The following DCAF6 variants were observed in gnomAD, a reference collection of about 807,000 sequenced individuals.
The protein encoded by DCAF6 is DDB1 and CUL4 associated factor 6, also known as DDB1- and CUL4-associated factor 6.
Under a neutral mutation model 125.1 loss-of-function variants are expected in DCAF6, and 54 were observed. The ratio of observed to expected loss-of-function variants is 0.43; its 90% CI spans 0.35 to 0.54. The LOEUF is 0.54. Ranked by LOEUF, DCAF6 falls within the 20% of genes least tolerant of loss-of-function variation. The pLI is 0.01. For missense variants in DCAF6, 934 were observed against 1,161.7 expected, an observed-to-expected ratio of 0.80 and a Z score of 2.85; for synonymous variants, 371 against 390.4, an observed-to-expected ratio of 0.95 and a Z score of 0.58.
the DCAF6 span, among the ~76,000 whole-genome samples, chr1:167,907,888 C>G: frequency 6.6e-6 from 1 of 152,250 alleles, no homozygotes; most frequent in South Asian, 2.1e-4. Flanking sequence ...GCAATCACAC[C>G]TAATGGAAAT....
At chr1:167,937,421 A>G (rs1441009429) in intron 1 of DCAF6, among the ~76,000 whole-genome samples, 2 of 151,780 alleles carry the variant, frequency 1.3e-5, no homozygotes, top group Non-Finnish European at 2.9e-5. Flanking sequence ...CTCTCCTTCA[A>G]TCTCCAGAGG....
intron 17 of DCAF6, among the ~76,000 whole-genome samples, chr1:168,052,703 TCTA>T (rs879580945): frequency 3.9e-5 from 6 of 152,188 alleles, no homozygotes; most frequent in Admixed American, 3.3e-4. Flanking sequence ...GGGAATGTGT[TCTA>T]CTATAATCTG....
At position 168,041,766 on chromosome 1, in the gene DCAF6, C is replaced by T. The variant is rs138270916; in HGVS notation, c.1728-1259C>T. On this transcript the variant is annotated intron_variant, in intron 13 of 21. Coordinates refer to ENST00000367840, the MANE Select transcript of DCAF6 (RefSeq NM_001198956.2). ...TAATTACTATAATGTATACACTAAG[C>T]GTTTTATTCATGCCTGAATCATAGC... 5.0e-3 allele frequency among the ~76,000 whole-genome samples: 761 copies of T among 151,786 alleles called. 5 individuals carry two copies. The highest frequency in any genetic ancestry group is 0.017 in the African/African-American group (713 of 41,416).
At chr1:167,916,147 T>C in the DCAF6 span, among the ~76,000 whole-genome samples, 122 of 152,364 alleles carry the variant, frequency 8.0e-4, 1 homozygote, top group South Asian at 0.023. Context: ...TTGAGAATAG[T>C]TGTGAAACTG....
At chr1:167,871,891 A>G in the DCAF6 span, among the ~76,000 whole-genome samples, 1 of 152,206 alleles carries the variant, frequency 6.6e-6, no homozygotes, top group African/African-American at 2.4e-5. Context: ...TTTGGCCTGA[A>G]TGAAGCTCAC....
the DCAF6 span, among the ~76,000 whole-genome samples, chr1:167,883,936 T>C: frequency 6.6e-6 from 1 of 152,216 alleles, no homozygotes; most frequent in Non-Finnish European, 1.5e-5. Context: ...TTTTTGGCTC[T>C]CCTATTTTTA....
At chr1:167,888,435 T>C in the DCAF6 span, among the ~76,000 whole-genome samples, 5 of 152,176 alleles carry the variant, frequency 3.3e-5, no homozygotes, top group African/African-American at 9.7e-5. Flanking sequence ...CCTCTTCAAC[T>C]TCTTGTGTCA....
At chr1:168,066,034 TG>T (rs1480245291) in intron 19 of DCAF6, among the ~76,000 whole-genome samples, 1 of 152,208 alleles carries the variant, frequency 6.6e-6, no homozygotes, top group Non-Finnish European at 1.5e-5. Flanking sequence ...TATATCCAAA[TG>T]GAACATCCAG....
At chr1:168,012,369 G>C (rs577072146) in intron 10 of DCAF6, among the ~76,000 whole-genome samples, 6 of 152,174 alleles carry the variant, frequency 3.9e-5, no homozygotes, top group Non-Finnish European at 8.8e-5. Flanking sequence ...AACAAGAATA[G>C]GGTTTGTAGT....
At chr1:167,934,364 A>G (rs964437209), upstream of DCAF6, among the ~76,000 whole-genome samples, 2 of 152,194 alleles carry the variant, frequency 1.3e-5, no homozygotes, top group African/African-American at 4.8e-5. Context: ...TGACTCTGTA[A>G]AGCCCAGATT....
chr1:167,936,854 C>A lies in DCAF6; in HGVS notation c.-58C>A. 18 of 1,289,290 alleles carry A rather than the reference C, an allele frequency of 1.4e-5. No individual in the cohort carries two copies. Among genetic ancestry groups the A allele is most frequent in the Non-Finnish European group, 2.0e-5 (18 of 912,368 alleles). 79.9% of individuals were successfully genotyped at this position (1,289,290 alleles called of 1,614,324 possible). ...TCGGGTGTTGAAACGGGTGTCCCCTCCCCCTCCTCCCCTCCCCCACGCGGT... is the reference window on the plus strand; with the variant it reads ...TCGGGTGTTGAAACGGGTGTCCCCTACCCCTCCTCCCCTCCCCCACGCGGT... On this transcript the variant is annotated 5_prime_UTR_variant, in exon 1 of 22. Transcript: ENST00000367840.
chr1:167,944,286 A>G (rs1035529794), intron 1 of DCAF6, among the ~76,000 whole-genome samples: 16 of 152,242 alleles, frequency 1.1e-4, no homozygotes, highest in Non-Finnish European at 1.2e-4. Flanking sequence ...ATACTGGTGC[A>G]CATATCTTTT....
At chr1:167,882,484 CAAAAAAAA>C in the DCAF6 span, among the ~76,000 whole-genome samples, 1 of 71,142 alleles carries the variant, frequency 1.4e-5, no homozygotes, top group Admixed American at 1.6e-4. Context: ...GATTCCGTCT[CAAAAAAAA>C]AAAAAAAAAA....
At chr1:168,022,012 C>G (rs202262) in intron 11 of DCAF6, among the ~76,000 whole-genome samples, 125 of 152,174 alleles carry the variant, frequency 8.2e-4, no homozygotes, top group African/African-American at 2.8e-3. Context: ...CTATGTTTCT[C>G]TTTTACTGTA....
At chr1:168,009,060 G>A (rs530742788) in intron 10 of DCAF6, among the ~76,000 whole-genome samples, 12 of 148,238 alleles carry the variant, frequency 8.1e-5, no homozygotes, top group Middle Eastern at 3.6e-3. Context: ...GTGCAGTGGC[G>A]TGATCTCGGC....
chr1:168,037,096 T>TC lies in DCAF6; in HGVS notation c.1610-1267dup, dbSNP rs796639885. 3.0e-3 allele frequency among the ~76,000 whole-genome samples: 427 copies of TC among 141,314 alleles called. 2 individuals carry two copies. The highest frequency in any genetic ancestry group is 7.2e-3 in the Middle Eastern group (2 of 278). The allele number at this position is 141,314 out of a possible 152,430, so 92.7% of individuals were successfully genotyped here. A position where few individuals can be genotyped will look rare whatever the true frequency, so the allele number is the denominator to read the frequency against. On this transcript the variant is annotated intron_variant, in intron 12 of 21. Coordinates refer to ENST00000367840, the MANE Select transcript of DCAF6 (RefSeq NM_001198956.2). Reference sequence around the variant, plus strand: ...CTAGAAGAGAGGTTCTATGAGATTCTCCCCCCCCTTTTTTTTTTTTTTTTT... The same window carrying TC: ...CTAGAAGAGAGGTTCTATGAGATTCTCCCCCCCCCTTTTTTTTTTTTTTTTT...
chr1:167,953,826 T>G (rs1674353140), intron 2 of DCAF6, among the ~76,000 whole-genome samples: 1 of 152,188 alleles, frequency 6.6e-6, no homozygotes, highest in African/African-American at 2.4e-5. Flanking sequence ...CTTGAACTCC[T>G]GGCCTCAGGT....
chr1:167,934,728 A>T (rs12075119), upstream of DCAF6, among the ~76,000 whole-genome samples: 4,548 of 152,298 alleles, frequency 0.03, 232 homozygotes, highest in African/African-American at 0.1. Context: ...TATGTAGGAG[A>T]ATAAAAGCCA....
At chr1:167,865,440 G>T in the DCAF6 span, among the ~76,000 whole-genome samples, 1 of 152,154 alleles carries the variant, frequency 6.6e-6, no homozygotes, top group Non-Finnish European at 1.5e-5. Context: ...GTTAAAAAGA[G>T]TCTGTAAAAA....
Sources: gnomAD v4.1 joint callset for allele counts (sites outside exome capture counted in the v4.1 genomes callset) on GRCh38, gnomAD v4.1.1 for gene constraint, MANE v1.5 for transcripts, NCBI Gene and HGNC (gene_info 2026-07-23, HGNC 2026-07-21) for gene names.